Variants in TWNK observed in about 807,000 individuals in gnomAD.
TWNK encodes T7 gp4-like protein with intramitochondrial nucleoid localization.
TWNK carries 36 observed loss-of-function variants against 58.2 expected under a neutral mutation model. That is an observed-to-expected ratio of 0.62 (90% CI 0.47 to 0.82). The LOEUF (loss-of-function observed/expected upper bound fraction) is 0.82, where lower values mean the gene tolerates loss of function less well. Ranked by LOEUF, TWNK falls within the 40% of genes least tolerant of loss-of-function variation. TWNK has a pLI of 0.00. For synonymous variants in TWNK, 349 were observed against 348.5 expected (o/e 1.00, Z -0.02); for missense variants, 714 against 881.0 (o/e 0.81, Z 2.40).
intron 4 of TWNK, 95 bp downstream of exon 4, chr10:100,991,105 C>A: frequency 6.4e-7 from 1 of 1,572,894 alleles, no homozygotes; most frequent in Non-Finnish European, 8.7e-7. Flanking sequence ...TCTTGACTGT[C>A]CATCCGAACA....
rs993449080 is a variant in TWNK at position 100,987,589 on chromosome 10, C to G, written c.-622C>G. 8 of 1,249,014 alleles carry G rather than the reference C, an allele frequency of 6.4e-6. No homozygotes were observed. Among genetic ancestry groups the G allele is most frequent in the African/African-American group, 4.5e-5 (3 of 66,192 alleles). 77.4% of individuals were successfully genotyped at this position (1,249,014 alleles called of 1,614,324 possible). On this transcript the variant is annotated 5_prime_UTR_variant, in exon 1 of 5. Transcript: ENST00000311916. ...AGCATGTGCGGGAGACTCACGTTGCCGGCGAAGTGGGAGAGAGAAAAGTGG... is the reference window on the plus strand; with the variant it reads ...AGCATGTGCGGGAGACTCACGTTGCGGGCGAAGTGGGAGAGAGAAAAGTGG...
rs1209590240 is a variant in TWNK at position 100,988,816 on chromosome 10, C to A, written c.606C>A (p.Arg202=). Reference sequence around the variant, plus strand: ...GTGTGCGATATCTGCGACCTGCTCGCAGTCTTGTCTTCCCTTGGTTCTCCC... The same window carrying A: ...GTGTGCGATATCTGCGACCTGCTCGAAGTCTTGTCTTCCCTTGGTTCTCCC... ...RFSVRYLRPA[R]SLVFPWFSPG... is the part of the protein sequence containing the mutation. Residue 202 remains arginine (R), a synonymous_variant, in exon 1 of 5, where the codon CGC becomes CGA. Coordinates refer to ENST00000311916, the MANE Select transcript of TWNK (RefSeq NM_021830.5). This position sits in a 1 kb window ranked among gnomAD's most constrained non-coding sequence, Gnocchi z 5.2. The A allele has an allele frequency of 6.2e-7, 1 of 1,614,102 alleles. No homozygotes were observed. The highest frequency in any genetic ancestry group is 1.3e-5 in the African/African-American group (1 of 74,934).
At chr10:100,991,540 GT>G (rs561950101) in intron 4 of TWNK, among the ~76,000 whole-genome samples, 5 of 152,312 alleles carry the variant, frequency 3.3e-5, no homozygotes, top group Admixed American at 3.3e-4. Flanking sequence ...CACAAATCAT[GT>G]GCCATGATGG....
rs1446248692 is a variant in TWNK at position 100,988,458 on chromosome 10, C to T, written c.248C>T (p.Pro83Leu). 1 of 1,614,204 alleles carries T rather than the reference C, an allele frequency of 6.2e-7. No individual in the cohort carries two copies. The highest frequency in any genetic ancestry group is 8.5e-7 in the Non-Finnish European group (1 of 1,180,054). ...CACAGTTGCCTGCGGGCACTGAGCCCCTTTGCAGAGTCTTCACAGCTCAAA... is the reference window on the plus strand; with the variant it reads ...CACAGTTGCCTGCGGGCACTGAGCCTCTTTGCAGAGTCTTCACAGCTCAAA... ...DGHSCLRALS[P>L]FAESSQLKGQ... The change falls in exon 1 of 5, where the codon CCC becomes CTC. Residue 83 changes from proline (P) to leucine (L), a missense_variant. Around this residue, in one of 3 missense-constraint regions of TWNK, gnomAD observed 348 missense variants for 388.4 expected, o/e 0.90. Transcript: ENST00000311916. The surrounding 1 kb of genome is among the most constrained non-coding windows in gnomAD (Gnocchi z 5.2).
Position 100,988,162 on chromosome 10 carries a change from C to A in TWNK, c.-49C>A. Reference sequence around the variant, plus strand: ...GTTTGGTCTAGTGAAGGCACGCTAACCAGGCACCTAAGGCATTTCAAGTAG... The same window carrying A: ...GTTTGGTCTAGTGAAGGCACGCTAAACAGGCACCTAAGGCATTTCAAGTAG... On this transcript the variant is annotated 5_prime_UTR_variant, in exon 1 of 5. Coordinates refer to ENST00000311916, the MANE Select transcript of TWNK (RefSeq NM_021830.5). This position sits in a 1 kb window ranked among gnomAD's most constrained non-coding sequence, Gnocchi z 5.2. 2 of 1,608,550 alleles carry A rather than the reference C, an allele frequency of 1.2e-6. No individual in the cohort carries two copies. Among genetic ancestry groups the A allele is most frequent in the Non-Finnish European group, 1.7e-6 (2 of 1,176,366 alleles).
In TWNK at chr10:100,987,718, C is replaced by T. The variant is rs1190134840; in HGVS notation, c.-493C>T. 3 of 584,834 alleles carry T rather than the reference C, an allele frequency of 5.1e-6. No homozygotes were observed. Among genetic ancestry groups the T allele is most frequent in the East Asian group, 2.9e-5 (1 of 34,808 alleles). 36.2% of individuals were successfully genotyped at this position (584,834 alleles called of 1,614,324 possible). A position where few individuals can be genotyped will look rare whatever the true frequency, so the allele number is the denominator to read the frequency against. On this transcript the variant is annotated 5_prime_UTR_variant, in exon 1 of 5. Coordinates refer to ENST00000311916, the MANE Select transcript of TWNK (RefSeq NM_021830.5). ...GCATTCCTTTGGGCCGGGGGATTGG[C>T]GGGAGTCGTGCTGGGTGCTCTCGCC...
In TWNK at chr10:100,988,887, G is replaced by T. The variant is rs187291192; in HGVS notation, c.677G>T (p.Cys226Phe). The change falls in exon 1 of 5, where the codon TGC becomes TTC. Residue 226 changes from cysteine (C) to phenylalanine (F), a missense_variant. Cys to Phe is a radical substitution (Grantham distance 205). Transcript: ENST00000311916. This position sits in a 1 kb window ranked among gnomAD's most constrained non-coding sequence, Gnocchi z 5.2. ...LRGLKLLEAK[C>F]QGDGVSYEET... ...GGCCTGAAGCTCCTAGAGGCTAAATGCCAGGGGGATGGAGTGAGCTACGAG... is the reference window on the plus strand; with the variant it reads ...GGCCTGAAGCTCCTAGAGGCTAAATTCCAGGGGGATGGAGTGAGCTACGAG... 6 of 1,614,186 alleles carry T rather than the reference G, an allele frequency of 3.7e-6. No homozygotes were observed. In the Admixed American group the frequency reaches 1.0e-4, roughly 27 times the overall value.
In TWNK at chr10:100,989,424, A is replaced by G; in HGVS notation, c.1214A>G (p.His405Arg). The G allele has an allele frequency of 6.2e-7, 1 of 1,614,200 alleles. No homozygotes were observed. ...GACCTCAATCGTATCTTGAAGGGAC[A>G]TCGAAAGGGCGAGCTGACGGTCTTC... ...FPDLNRILKG[H>R]RKGELTVFTG... is the part of the protein sequence containing the mutation. Residue 405 changes from histidine to arginine, a missense_variant, in exon 1 of 5, where the codon CAT (histidine) becomes CGT (arginine). By Grantham distance (29) the His-to-Arg change is conservative (BLOSUM62 0). Coordinates refer to ENST00000311916, the MANE Select transcript of TWNK (RefSeq NM_021830.5). This position sits in a 1 kb window ranked among gnomAD's most constrained non-coding sequence, Gnocchi z 7.6.
In TWNK at chr10:100,993,430, GC is replaced by G; in HGVS notation, c.1976del (p.Ala659ValfsTer41). 1 of 1,614,180 alleles carries G rather than the reference GC, an allele frequency of 6.2e-7. No individual in the cohort carries two copies. Among genetic ancestry groups the G allele is most frequent in the East Asian group, 2.2e-5 (1 of 44,888 alleles). On this transcript the variant is annotated frameshift_variant, in exon 5 of 5. Coordinates refer to ENST00000311916, the MANE Select transcript of TWNK (RefSeq NM_021830.5). LOFTEE classifies it low-confidence loss of function (END_TRUNC). ...AKKPSSGKKGATTQNSEICSG... is the reference protein window; with the variant it reads ...AKKPSSGKKGXTTQNSEICSG... ...AAAGCCCTCTTCTGGCAAAAAGGGG[GC>G]TACGACACAGAACTCTGAGATTTGC...
intron 3 of TWNK, 29 bp downstream of exon 3, chr10:100,990,572 T>C (rs375533548): frequency 4.4e-5 from 71 of 1,613,624 alleles, no homozygotes; most frequent in Non-Finnish European, 5.2e-5. Context: ...CTTGTCTAGC[T>C]TGAGCCCGCT....
chr10:100,987,808 A>AG lies in TWNK; in HGVS notation c.-400dup, dbSNP rs1269827923. Reference sequence around the variant, plus strand: ...GGTCTCTAGTCGGGGCCTAGGGCAAAGGGACTACAAAAAGGATGCAGATGA... The same window carrying AG: ...GGTCTCTAGTCGGGGCCTAGGGCAAAGGGGACTACAAAAAGGATGCAGATGA... On this transcript the variant is annotated 5_prime_UTR_variant, in exon 1 of 5. Coordinates refer to ENST00000311916, the MANE Select transcript of TWNK (RefSeq NM_021830.5). The AG allele has an allele frequency of 1.7e-6, 1 of 587,054 alleles. No homozygotes were observed. Among genetic ancestry groups the AG allele is most frequent in the African/African-American group, 1.9e-5 (1 of 53,620 alleles). 36.4% of individuals were successfully genotyped at this position (587,054 alleles called of 1,614,324 possible). A position where few individuals can be genotyped will look rare whatever the true frequency, so the allele number is the denominator to read the frequency against.
rs200599543 is a variant in TWNK at position 100,987,907 on chromosome 10, G to A, written c.-304G>A. The A allele has an allele frequency of 6.7e-5, 40 of 600,838 alleles. No individual in the cohort carries two copies. In the East Asian group the frequency reaches 1.1e-3, roughly 17 times the overall value. 37.2% of individuals were successfully genotyped at this position (600,838 alleles called of 1,614,324 possible). A position where few individuals can be genotyped will look rare whatever the true frequency, so the allele number is the denominator to read the frequency against. On this transcript the variant is annotated 5_prime_UTR_variant, in exon 1 of 5. Transcript: ENST00000311916. ...TGAGAAGATGATGCAAAGAAACTGT[G>A]TCAGTGAGGAACTGTATAGAGGGTC... is the stretch of plus-strand genomic sequence containing the variant.
In TWNK at chr10:100,988,174, G is replaced by C; in HGVS notation, c.-37G>C. Reference sequence around the variant, plus strand: ...GAAGGCACGCTAACCAGGCACCTAAGGCATTTCAAGTAGTGACTTCCCACA... The same window carrying C: ...GAAGGCACGCTAACCAGGCACCTAACGCATTTCAAGTAGTGACTTCCCACA... On this transcript the variant is annotated 5_prime_UTR_variant, in exon 1 of 5. Coordinates refer to ENST00000311916, the MANE Select transcript of TWNK (RefSeq NM_021830.5). The surrounding 1 kb of genome is among the most constrained non-coding windows in gnomAD (Gnocchi z 5.2). 1 of 1,612,554 alleles carries C rather than the reference G, an allele frequency of 6.2e-7. No homozygotes were observed. Among genetic ancestry groups the C allele is most frequent in the Non-Finnish European group, 8.5e-7 (1 of 1,179,482 alleles).
In TWNK at chr10:100,993,446, C is replaced by CT. The variant is rs1288483618; in HGVS notation, c.1992dup (p.Glu665Ter). The CT allele has an allele frequency of 1.2e-5, 19 of 1,614,088 alleles. No homozygotes were observed. Among genetic ancestry groups the CT allele is most frequent in the Non-Finnish European group, 8.5e-7 (1 of 1,180,052 alleles). On this transcript the variant is annotated frameshift_variant, in exon 5 of 5. Transcript: ENST00000311916. LOFTEE classifies it low-confidence loss of function (END_TRUNC). ...AAAAAGGGGGCTACGACACAGAACT[C>CT]TGAGATTTGCTCAGGCCAGGCCCCC...
intron 4 of TWNK, 53 bp downstream of exon 4, chr10:100,991,063 G>T (rs746896910): frequency 1.1e-5 from 18 of 1,611,284 alleles, no homozygotes; most frequent in South Asian, 1.1e-5. Flanking sequence ...GGGTAGGTGT[G>T]ACCAGGGACA....
rs2133946686 is a variant in TWNK at position 100,993,040 on chromosome 10, C to G, written c.1735-150C>G. 5.0e-6 allele frequency: 4 copies of G among 792,912 alleles called. No individual in the cohort carries two copies. The East Asian group carries it at 7.7e-5, about 15-fold the overall frequency. The allele number at this position is 792,912 out of a possible 1,614,324, so 49.1% of individuals were successfully genotyped here. ...TGACATCGTGATCCACTCGACTCGG[C>G]CTCCCAAAGTTCTGGGATTACAGGC... On this transcript the variant is annotated intron_variant, in intron 4 of 4. Coordinates refer to ENST00000311916, the MANE Select transcript of TWNK (RefSeq NM_021830.5).
In TWNK at chr10:100,989,351, CTG is replaced by C; in HGVS notation, c.1143_1144del (p.Ser382LysfsTer45). The C allele has an allele frequency of 6.2e-7, 1 of 1,614,206 alleles. No homozygotes were observed. The highest frequency in any genetic ancestry group is 8.5e-7 in the Non-Finnish European group (1 of 1,180,042). On this transcript the variant is annotated frameshift_variant, in exon 1 of 5. Coordinates refer to ENST00000311916, the MANE Select transcript of TWNK (RefSeq NM_021830.5). LOFTEE classifies it high-confidence loss of function. This position sits in a 1 kb window ranked among gnomAD's most constrained non-coding sequence, Gnocchi z 7.6. ...GCTTCGGGAGGAGGTGCTAGGAGAA[CTG>C]TCAAATGTGGAGCAAGCAGCTGGCC... The part of the protein sequence containing the change: ...RQLREEVLGE[L>X]SNVEQAAGLR...
intron 4 of TWNK, among the ~76,000 whole-genome samples, chr10:100,991,831 G>A (rs1259829807): frequency 8.8e-5 from 13 of 148,198 alleles, no homozygotes; most frequent in Admixed American, 6.1e-4. Context: ...CTAACATGGT[G>A]AAACCCTGTC....
Position 100,990,885 on chromosome 10 carries a change from T to C in TWNK, c.1609T>C (p.Tyr537His), listed in dbSNP as rs144001072. 3.8e-4 allele frequency: 608 copies of C among 1,614,126 alleles called. 1 individual carries two copies. Among genetic ancestry groups the C allele is most frequent in the Non-Finnish European group, 4.8e-4 (571 of 1,180,046 alleles). Residue 537 changes from tyrosine to histidine, a missense_variant, in exon 4 of 5, where the codon TAC (tyrosine) becomes CAC (histidine). Tyr to His is a moderately conservative substitution (Grantham distance 83, BLOSUM62 2). Around this residue, in one of 3 missense-constraint regions of TWNK, gnomAD observed 302 missense variants for 438.6 expected, o/e 0.69. Coordinates refer to ENST00000311916, the MANE Select transcript of TWNK (RefSeq NM_021830.5). ...ATGGCGTAGGATCGCAGCTCAAGACTACATCATCGGGGTCTTTCGGAAGTT... is the reference window on the plus strand; with the variant it reads ...ATGGCGTAGGATCGCAGCTCAAGACCACATCATCGGGGTCTTTCGGAAGTT... Reference protein sequence around the residue: ...LSTDRIAAQDYIIGVFRKFAT... With the variant: ...LSTDRIAAQDHIIGVFRKFAT...
Sources: allele counts gnomAD v4.1 joint callset (sites outside exome capture counted in the v4.1 genomes callset), GRCh38; gene constraint gnomAD v4.1.1; regional missense constraint gnomAD v4.1.1; non-coding constraint Gnocchi (gnomAD v3.1); transcripts MANE v1.5; gene names NCBI Gene and HGNC (gene_info 2026-07-23, HGNC 2026-07-21).